The following INSL6 variants were observed in gnomAD, a reference collection of about 807,000 sequenced individuals.
INSL6 encodes insulin like 6.
In INSL6, 16 loss-of-function variants were observed where a neutral mutation model predicts 9.4. The observed-to-expected ratio is 1.70, with a 90% CI of 1.15 to 2.59. The LOEUF is 2.59. Ranked by LOEUF, INSL6 falls within the 30% of genes most tolerant of loss-of-function variation. INSL6 has a pLI of 0.00. For synonymous variants in INSL6, 154 were observed against 96.9 expected (o/e 1.59, Z -3.46); for missense variants, 391 against 257.3 (o/e 1.52, Z -3.56).
At chr9:5,097,775 A>G in the INSL6 span, 9 of 152,190 alleles carry the variant, frequency 5.9e-5, no homozygotes, top group Non-Finnish European at 8.8e-5. Flanking sequence ...GATACATACT[A>G]TGTTGTAGCT....
chr9:5,179,971 C>T, intron 1 of INSL6, among the ~76,000 whole-genome samples: 1 of 152,148 alleles, frequency 6.6e-6, no homozygotes, highest in Non-Finnish European at 1.5e-5. Context: ...AACAAACCTG[C>T]ACATCCTGCA....
the INSL6 span, among the ~76,000 whole-genome samples, chr9:5,046,002 C>T: frequency 6.6e-6 from 1 of 152,078 alleles, no homozygotes; most frequent in African/African-American, 2.4e-5. Flanking sequence ...TCAGTCCTAC[C>T]AGCAGTGCAC....
chr9:5,082,287 GA>G, the INSL6 span, among the ~76,000 whole-genome samples: 5 of 152,190 alleles, frequency 3.3e-5, no homozygotes, highest in Admixed American at 3.3e-4. Context: ...AGGTCAGCAA[GA>G]AAACATGTGA....
chr9:5,120,319 A>G (rs1047787436), downstream of INSL6, among the ~76,000 whole-genome samples: 1 of 152,240 alleles, frequency 6.6e-6, no homozygotes, highest in Admixed American at 6.5e-5. Flanking sequence ...TGTTAATACC[A>G]TCACATTAAC....
At chr9:4,999,147 G>C in the INSL6 span, among the ~76,000 whole-genome samples, 1 of 152,102 alleles carries the variant, frequency 6.6e-6, no homozygotes, top group Non-Finnish European at 1.5e-5. Context: ...TTAAGCTTTT[G>C]CCTGTCATGT....
At chr9:5,175,088 C>G (rs1825268171) in intron 1 of INSL6, among the ~76,000 whole-genome samples, 1 of 152,046 alleles carries the variant, frequency 6.6e-6, no homozygotes. Flanking sequence ...TACAGGTGCC[C>G]ACCACCACGC....
At chr9:5,137,598 T>G (rs1024291813) in intron 2 of INSL6, among the ~76,000 whole-genome samples, 2 of 152,142 alleles carry the variant, frequency 1.3e-5, no homozygotes, top group African/African-American at 4.8e-5. Context: ...TCAAGATGGA[T>G]TAAAGACTTA....
the INSL6 span, among the ~76,000 whole-genome samples, chr9:5,117,849 G>C: frequency 4.1e-4 from 63 of 152,288 alleles, no homozygotes; most frequent in Middle Eastern, 0.024. Context: ...ATTAATGAGA[G>C]GCTAATAGTA....
chr9:5,054,579 C>T, the INSL6 span: 3 of 1,586,820 alleles, frequency 1.9e-6, no homozygotes, highest in Non-Finnish European at 2.6e-6. This position sits in a 1 kb window ranked among gnomAD's most constrained non-coding sequence, Gnocchi z 4.9. Context: ...GACATTCTTA[C>T]CAAAATGTAT....
the INSL6 span, among the ~76,000 whole-genome samples, chr9:5,053,946 TC>T: frequency 6.6e-6 from 1 of 152,026 alleles, no homozygotes; most frequent in Non-Finnish European, 1.5e-5. Flanking sequence ...AATAAAATGT[TC>T]CTTAGAAGCA....
chr9:5,183,104 T>G (rs899709242), intron 1 of INSL6, among the ~76,000 whole-genome samples: 48 of 152,204 alleles, frequency 3.2e-4, no homozygotes, highest in Admixed American at 2.6e-4. Flanking sequence ...TATTCATATA[T>G]AAAAATGATG....
At chr9:5,034,002 C>T in the INSL6 span, among the ~76,000 whole-genome samples, 264 of 152,234 alleles carry the variant, frequency 1.7e-3, 1 homozygote, top group African/African-American at 6.0e-3. Context: ...ACCCATCTCA[C>T]GTGCAGAGAC....
At chr9:5,176,294 T>C (rs1479190662) in intron 1 of INSL6, among the ~76,000 whole-genome samples, 1 of 152,216 alleles carries the variant, frequency 6.6e-6, no homozygotes, top group Non-Finnish European at 1.5e-5. Flanking sequence ...TACCACACTG[T>C]TTAATACTAT....
the INSL6 span, among the ~76,000 whole-genome samples, chr9:5,065,415 C>T: frequency 6.6e-6 from 1 of 152,154 alleles, no homozygotes; most frequent in Non-Finnish European, 1.5e-5. Context: ...CCATCTCCTT[C>T]TACTGAAAGG....
At chr9:5,070,454 C>G in the INSL6 span, among the ~76,000 whole-genome samples, 1 of 152,098 alleles carries the variant, frequency 6.6e-6, no homozygotes, top group Non-Finnish European at 1.5e-5. Context: ...CAGGACTACC[C>G]ATGGATACCA....
At chr9:5,177,164 C>T (rs1371925900) in intron 1 of INSL6, among the ~76,000 whole-genome samples, 2 of 152,120 alleles carry the variant, frequency 1.3e-5, no homozygotes, top group African/African-American at 4.8e-5. Context: ...AATTCAGCAC[C>T]TTCAACTGAA....
the INSL6 span, among the ~76,000 whole-genome samples, chr9:5,117,016 A>T: frequency 6.6e-6 from 1 of 152,212 alleles, no homozygotes; most frequent in African/African-American, 2.4e-5. Flanking sequence ...TAAGGCCCTT[A>T]TAAGAGGCTT....
intron 2 of INSL6, among the ~76,000 whole-genome samples, chr9:5,155,316 GGCCT>G: frequency 6.9e-6 from 1 of 144,784 alleles, no homozygotes; most frequent in East Asian, 2.1e-4. Context: ...CACACACTGG[GGCCT>G]GTTGCAGGGT....
At chr9:5,176,747 G>A (rs1394771063) in intron 1 of INSL6, among the ~76,000 whole-genome samples, 1 of 150,066 alleles carries the variant, frequency 6.7e-6, no homozygotes, top group Admixed American at 6.6e-5. Flanking sequence ...TATAAGTTTA[G>A]CAAGAAAGTG....
Sources: allele counts gnomAD v4.1 joint callset (sites outside exome capture counted in the v4.1 genomes callset), GRCh38; gene constraint gnomAD v4.1.1; non-coding constraint Gnocchi (gnomAD v3.1); transcripts MANE v1.5; gene names NCBI Gene and HGNC (gene_info 2026-07-23, HGNC 2026-07-21).